Variants in KHNYN observed in about 807,000 individuals in gnomAD.
The protein encoded by KHNYN is KH and NYN domain containing, also known as protein KHNYN.
KHNYN carries 42 observed loss-of-function variants against 62.7 expected under a neutral mutation model. That is an observed-to-expected ratio of 0.67 (90% CI 0.52 to 0.87). The LOEUF is 0.87. KHNYN is among the 40% of genes least tolerant of loss of function. The pLI is 0.00. For missense variants in KHNYN, 829 were observed against 874.1 expected (o/e 0.95, Z 0.65); for synonymous variants, 347 against 345.6 (o/e 1.00, Z -0.04).
chr14:24,441,230 A>G lies in KHNYN; in HGVS notation c.*3945A>G. ...TTTATTAACTCTCTGACTTGATGCA[A>G]GTTACTTAACCTCTCTGTATAGAAT... On this transcript the variant is annotated 3_prime_UTR_variant, in exon 8 of 8. Coordinates refer to ENST00000553935, the MANE Select transcript of KHNYN (RefSeq NM_015299.3). 2.0e-6 allele frequency: 1 copy of G among 492,696 alleles called. No homozygotes were observed. The highest frequency in any genetic ancestry group is 3.7e-6 in the Non-Finnish European group (1 of 272,652). The allele number at this position is 492,696 out of a possible 1,614,324, so 30.5% of individuals were successfully genotyped here. A position where few individuals can be genotyped will look rare whatever the true frequency, so the allele number is the denominator to read the frequency against.
At chr14:24,429,682 T>C, upstream of KHNYN, 1 of 985,176 alleles carries the variant, frequency 1.0e-6, no homozygotes, top group African/African-American at 1.7e-5. Flanking sequence ...GCCTCTTTGG[T>C]CGGCCACATC....
upstream of KHNYN, chr14:24,428,756 T>G: frequency 5.1e-6 from 8 of 1,580,920 alleles, no homozygotes; most frequent in Non-Finnish European, 6.9e-6. Flanking sequence ...GGGGATTACC[T>G]GGTCGAAGTA....
the KHNYN span, among the ~76,000 whole-genome samples, chr14:24,423,204 G>A: frequency 1.3e-5 from 2 of 152,262 alleles, no homozygotes; most frequent in African/African-American, 4.8e-5. Flanking sequence ...ATGAGCTGAC[G>A]CCAACTACCT....
At position 24,441,214 on chromosome 14, in the gene KHNYN, T is replaced by C. The variant is rs1156805402; in HGVS notation, c.*3929T>C. The C allele has an allele frequency of 4.7e-5, 24 of 512,280 alleles. No individual in the cohort carries two copies. The allele number at this position is 512,280 out of a possible 1,614,324, so 31.7% of individuals were successfully genotyped here. The stretch of plus-strand genomic sequence containing the variant: ...TTAATCAGCTCCCTCATTTATTAAC[T>C]CTCTGACTTGATGCAAGTTACTTAA... On this transcript the variant is annotated 3_prime_UTR_variant, in exon 8 of 8. Transcript: ENST00000553935.
upstream of KHNYN, chr14:24,428,729 C>T (rs1003740892): frequency 4.5e-6 from 7 of 1,548,974 alleles, no homozygotes; most frequent in African/African-American, 1.4e-5. Context: ...CTTTCCAGGT[C>T]CCCTGGACAG....
chr14:24,434,758 T>C (rs12891613), intron 5 of KHNYN, among the ~76,000 whole-genome samples: 131,965 of 152,232 alleles, frequency 0.87, 57,315 homozygotes, highest in East Asian at 0.98. Flanking sequence ...GCTCAGAGCC[T>C]GATATCTGTC....
At position 24,440,077 on chromosome 14, in the gene KHNYN, AC is replaced by A; in HGVS notation, c.*2794del. ...GAACAGGCCTCAGGCCCTTGCCACGACCTACTTAGGCTACAATTTCCTTTAA... is the reference window on the plus strand; with the variant it reads ...GAACAGGCCTCAGGCCCTTGCCACGACTACTTAGGCTACAATTTCCTTTAA... On this transcript the variant is annotated 3_prime_UTR_variant, in exon 8 of 8. Coordinates refer to ENST00000553935, the MANE Select transcript of KHNYN (RefSeq NM_015299.3). 6.3e-7 allele frequency: 1 copy of A among 1,585,584 alleles called. No individual in the cohort carries two copies. Among genetic ancestry groups the A allele is most frequent in the Non-Finnish European group, 8.6e-7 (1 of 1,161,598 alleles).
At chr14:24,424,036 C>T in the KHNYN span, among the ~76,000 whole-genome samples, 1 of 152,126 alleles carries the variant, frequency 6.6e-6, no homozygotes, top group Admixed American at 6.6e-5. Flanking sequence ...CAATCAAATC[C>T]TCCTAAATAT....
chr14:24,431,185 T>C (rs910616293), intron 2 of KHNYN, among the ~76,000 whole-genome samples: 1 of 152,216 alleles, frequency 6.6e-6, no homozygotes, highest in East Asian at 1.9e-4. Flanking sequence ...TTTGGGAGAA[T>C]AGAGATATCT....
chr14:24,425,500 A>T (rs758930926), upstream of KHNYN, among the ~76,000 whole-genome samples: 27 of 152,212 alleles, frequency 1.8e-4, no homozygotes, highest in Non-Finnish European at 7.3e-5. Flanking sequence ...GTCTTGGGTC[A>T]TGAGGTGGCA....
At chr14:24,427,698 G>T, upstream of KHNYN, 1 of 1,186,648 alleles carries the variant, frequency 8.4e-7, no homozygotes, top group Non-Finnish European at 1.2e-6. The surrounding 1 kb of genome is among the most constrained non-coding windows in gnomAD (Gnocchi z 4.4). Flanking sequence ...GCCAGAGGGA[G>T]TCTCTCTCCT....
At chr14:24,426,287 C>T (rs1400992694), upstream of KHNYN, among the ~76,000 whole-genome samples, 1 of 152,136 alleles carries the variant, frequency 6.6e-6, no homozygotes, top group Admixed American at 6.6e-5. Flanking sequence ...TGCTTTCTGT[C>T]ATCAACAACA....
At chr14:24,436,015 T>C (rs1162274248) in intron 5 of KHNYN, 57 bp from the exon 6 acceptor site, 71 of 1,291,208 alleles carry the variant, frequency 5.5e-5, no homozygotes, top group African/African-American at 7.3e-5. Context: ...ACAGTGAACA[T>C]TGTACCCAGT....
In KHNYN at chr14:24,440,369, G is replaced by A. The variant is rs746713414; in HGVS notation, c.*3084G>A. ...TTCAAGGGCATGGGTCAGGATTCCT[G>A]CCAGGTCCCCGATGTGTATCCAGGG... On this transcript the variant is annotated 3_prime_UTR_variant, in exon 8 of 8. Coordinates refer to ENST00000553935, the MANE Select transcript of KHNYN (RefSeq NM_015299.3). The A allele has an allele frequency of 1.9e-6, 3 of 1,614,022 alleles. No individual in the cohort carries two copies. In the South Asian group the frequency reaches 3.3e-5, roughly 18 times the overall value.
chr14:24,432,656 C>A lies in KHNYN; in HGVS notation c.1349+46C>A. The A allele has an allele frequency of 6.2e-7, 1 of 1,613,126 alleles. No homozygotes were observed. On this transcript the variant is annotated intron_variant, in intron 3 of 7. Transcript: ENST00000553935. The surrounding 1 kb of genome is among the most constrained non-coding windows in gnomAD (Gnocchi z 5.6). ...AGGGCCTAGGAGAGGGAGGATATGTCCTGAGGGGCTGGCATTGTAGCCAGG... is the reference window on the plus strand; with the variant it reads ...AGGGCCTAGGAGAGGGAGGATATGTACTGAGGGGCTGGCATTGTAGCCAGG...
Position 24,440,146 on chromosome 14 carries a change from C to T in KHNYN, c.*2861C>T. 6.2e-7 allele frequency: 1 copy of T among 1,613,454 alleles called. No individual in the cohort carries two copies. Among genetic ancestry groups the T allele is most frequent in the South Asian group, 1.1e-5 (1 of 91,010 alleles). On this transcript the variant is annotated 3_prime_UTR_variant, in exon 8 of 8. Coordinates refer to ENST00000553935, the MANE Select transcript of KHNYN (RefSeq NM_015299.3). ...GGAAGGAATACTGGTAGCCAGTGGC[C>T]AGTGTTCGCTGTGGGATCACCTTCT...
Position 24,440,750 on chromosome 14 carries a change from C to A in KHNYN, c.*3465C>A. 1 of 1,610,052 alleles carries A rather than the reference C, an allele frequency of 6.2e-7. No individual in the cohort carries two copies. Among genetic ancestry groups the A allele is most frequent in the South Asian group, 1.1e-5 (1 of 90,876 alleles). On this transcript the variant is annotated 3_prime_UTR_variant, in exon 8 of 8. Coordinates refer to ENST00000553935, the MANE Select transcript of KHNYN (RefSeq NM_015299.3). ...CTTCCCCAGCCCAGAGAAGACATTC[C>A]AACCCTGTCTGATACCCAGGCCCGT...
upstream of KHNYN, among the ~76,000 whole-genome samples, chr14:24,426,210 G>A (rs1391586819): frequency 1.3e-5 from 2 of 152,216 alleles, no homozygotes; most frequent in Non-Finnish European, 2.9e-5. Context: ...AGCATGTCAA[G>A]TGGGAGCTTC....
chr14:24,429,122 C>T, upstream of KHNYN: 1 of 1,440,162 alleles, frequency 6.9e-7, no homozygotes, highest in South Asian at 1.4e-5. Flanking sequence ...GCTCCTCTCC[C>T]TGGATTCTCA....
Sources: allele counts gnomAD v4.1 joint callset (sites outside exome capture counted in the v4.1 genomes callset), GRCh38; gene constraint gnomAD v4.1.1; non-coding constraint Gnocchi (gnomAD v3.1); transcripts MANE v1.5; gene names NCBI Gene and HGNC (gene_info 2026-07-23, HGNC 2026-07-21).